ECPAS: variants seen among roughly 807,000 people sequenced by gnomAD.
ECPAS encodes Ecm29 proteasome adaptor and scaffold, also known as proteasome adapter and scaffold protein ECM29.
Under a neutral mutation model 255.1 loss-of-function variants are expected in ECPAS, and 70 were observed. The observed-to-expected ratio is 0.27, with a 90% CI of 0.23 to 0.33. ECPAS has a LOEUF of 0.33. Ranked by LOEUF, ECPAS falls within the 10% of genes least tolerant of loss-of-function variation. The probability of loss-of-function intolerance (pLI) is 1.00; values close to 1 mark genes in which losing one functional copy is unlikely to be tolerated. For missense variants in ECPAS, 1,817 were observed against 2,206.4 expected (o/e 0.82, Z 3.54); for synonymous variants, 784 against 775.0 (o/e 1.01, Z -0.19).
intron 27 of ECPAS, among the ~76,000 whole-genome samples, chr9:111,393,383 G>A (rs1293638874): frequency 6.6e-6 from 1 of 152,146 alleles, no homozygotes; most frequent in Non-Finnish European, 1.5e-5. Flanking sequence ...AAAGCTATTA[G>A]GAGAGATACT....
chr9:111,416,326 G>T lies in ECPAS; in HGVS notation c.1710C>A (p.Val570=). The change falls in exon 18 of 50, where the codon GTC becomes GTA. Residue 570 remains valine (V), a synonymous_variant. Coordinates refer to ENST00000684092, the MANE Select transcript of ECPAS (RefSeq NM_001364929.1). ...EKASHRMKTP[V]KYMTGTTVLP... is the part of the protein sequence containing the mutation. ...GGACAGTGGTCCCGGTCATGTACTTGACTGGAGTTTTCATTCGATGAGAAG... is the reference window on the plus strand; with the variant it reads ...GGACAGTGGTCCCGGTCATGTACTTTACTGGAGTTTTCATTCGATGAGAAG... 2.5e-6 allele frequency: 4 copies of T among 1,613,668 alleles called. No individual in the cohort carries two copies. The highest frequency in any genetic ancestry group is 3.4e-6 in the Non-Finnish European group (4 of 1,179,690).
At chr9:111,395,070 T>A (rs891103370) in intron 25 of ECPAS, among the ~76,000 whole-genome samples, 4 of 152,208 alleles carry the variant, frequency 2.6e-5, no homozygotes, top group African/African-American at 9.6e-5. Flanking sequence ...GTCGATCTAT[T>A]GGCAGTACAT....
chr9:111,407,777 G>A lies in ECPAS; in HGVS notation c.2652+794C>T, dbSNP rs538016712. 3.8e-4 allele frequency among the ~76,000 whole-genome samples: 58 copies of A among 152,174 alleles called. 1 individual carries two copies. The South Asian group carries it at 7.9e-3, about 21-fold the overall frequency. ...CTTACATGCAAATGTCTCTTCATCC[G>A]GTTACTTAGTCTGCCAATATTTACT... On this transcript the variant is annotated intron_variant, in intron 24 of 49. Transcript: ENST00000684092.
chr9:111,467,621 A>T (rs1421281461), intron 2 of ECPAS, among the ~76,000 whole-genome samples: 2 of 152,220 alleles, frequency 1.3e-5, no homozygotes, highest in Non-Finnish European at 2.9e-5. Context: ...GAGAAAGCTG[A>T]AAATACCTAA....
At chr9:111,482,785 G>T (rs889872620) in intron 1 of ECPAS, among the ~76,000 whole-genome samples, 2 of 152,136 alleles carry the variant, frequency 1.3e-5, no homozygotes, top group African/African-American at 4.8e-5. Flanking sequence ...CGGCGCCCCG[G>T]AACTACACTT....
rs1379184401 is a variant in ECPAS at position 111,415,059 on chromosome 9, G to A, written c.1765-408C>T. ...GGAGAGAGGGTGGGAGGAGGGAGAG[G>A]AGCAGAAAAGATAACTATGGGGTAT... On this transcript the variant is annotated intron_variant, in intron 18 of 49. Coordinates refer to ENST00000684092, the MANE Select transcript of ECPAS (RefSeq NM_001364929.1). Among the ~76,000 whole-genome samples, 4 of 152,012 alleles carry A rather than the reference G, an allele frequency of 2.6e-5. No homozygotes were observed. In the East Asian group the frequency reaches 5.8e-4, roughly 22 times the overall value.
rs184388477 is a variant in ECPAS at position 111,443,539 on chromosome 9, G to A, written c.270+839C>T. 2.0e-3 allele frequency among the ~76,000 whole-genome samples: 300 copies of A among 150,396 alleles called. 2 individuals are homozygous for A. Among genetic ancestry groups the A allele is most frequent in the Non-Finnish European group, 2.8e-3 (191 of 67,308 alleles). On this transcript the variant is annotated intron_variant, in intron 4 of 49. Transcript: ENST00000684092. Reference sequence around the variant, plus strand: ...GCTGGGATTACAGGTATGAGCCGACGTGCCTGGCCTCTGAAGAATTCTTTA... The same window carrying A: ...GCTGGGATTACAGGTATGAGCCGACATGCCTGGCCTCTGAAGAATTCTTTA...
chr9:111,451,363 A>G (rs1483981286), intron 3 of ECPAS, 62 bp downstream of exon 3: 18 of 1,480,580 alleles, frequency 1.2e-5, no homozygotes, highest in Non-Finnish European at 1.5e-5. Context: ...CAGAAAACTC[A>G]CTTGATAATG....
intron 24 of ECPAS, among the ~76,000 whole-genome samples, chr9:111,407,757 A>G (rs930869244): frequency 3.9e-5 from 6 of 152,174 alleles, no homozygotes; most frequent in South Asian, 2.1e-4. Context: ...ACTGCCTTAC[A>G]TGCAAATGTC....
chr9:111,412,288 G>C (rs1299937878), intron 20 of ECPAS, 140 bp from the exon 21 acceptor site: 4 of 747,800 alleles, frequency 5.3e-6, no homozygotes, highest in Non-Finnish European at 5.8e-6. Context: ...AAAACAAAAT[G>C]AAAGCTGAAT....
At chr9:111,368,033 TCAAAAAAAAAACAAA>T (rs2098122619) in intron 46 of ECPAS, among the ~76,000 whole-genome samples, 1 of 134,560 alleles carries the variant, frequency 7.4e-6, no homozygotes, top group Non-Finnish European at 1.5e-5. Context: ...AGACCCTGTC[TCAAAAAAAAAACAAA>T]CAAAAAAAAA....
intron 6 of ECPAS, among the ~76,000 whole-genome samples, chr9:111,439,145 T>C (rs1348584195): frequency 5.9e-5 from 9 of 152,202 alleles, no homozygotes; most frequent in Admixed American, 1.3e-4. Context: ...AGTGGCCATA[T>C]AGGCGGGTGT....
intron 2 of ECPAS, among the ~76,000 whole-genome samples, chr9:111,468,216 C>G (rs2098281835): frequency 6.6e-6 from 1 of 152,080 alleles, no homozygotes; most frequent in Non-Finnish European, 1.5e-5. Context: ...CAAGCGCACA[C>G]TGGAACACAG....
chr9:111,410,306 G>T, intron 22 of ECPAS, 93 bp from the exon 23 acceptor site: 1 of 1,053,590 alleles, frequency 9.5e-7, no homozygotes, highest in Non-Finnish European at 1.3e-6. Flanking sequence ...TTTTAAGACG[G>T]CAAAATAAAA....
intron 2 of ECPAS, among the ~76,000 whole-genome samples, chr9:111,454,843 A>G (rs1019034103): frequency 1.3e-5 from 2 of 151,948 alleles, no homozygotes; most frequent in Non-Finnish European, 2.9e-5. Flanking sequence ...AGCTTGGACT[A>G]CAGGCATACG....
Position 111,417,956 on chromosome 9 carries a change from C to G in ECPAS, c.1610G>C (p.Gly537Ala), listed in dbSNP as rs1435759116. 1 of 1,607,218 alleles carries G rather than the reference C, an allele frequency of 6.2e-7. No individual in the cohort carries two copies. Among genetic ancestry groups the G allele is most frequent in the African/African-American group, 1.3e-5 (1 of 74,900 alleles). Residue 537 changes from glycine to alanine, a missense_variant, in exon 17 of 50, where the codon GGT (glycine) becomes GCT (alanine). Gly to Ala is a moderately conservative substitution (Grantham distance 60). Around this residue, in one of 4 missense-constraint regions of ECPAS, gnomAD observed 573 missense variants for 716.2 expected, o/e 0.80. Coordinates refer to ENST00000684092, the MANE Select transcript of ECPAS (RefSeq NM_001364929.1). The part of the protein sequence containing the change: ...EAQRVLRCLP[G>A]RNRKESTSEQ... ...AGAAGTACTTTCTTTTCTGTTTCTA[C>G]CTGGAAGACACCTTAATACGCGTTG...
At chr9:111,375,487 G>A (rs945628931) in intron 37 of ECPAS, among the ~76,000 whole-genome samples, 1 of 152,032 alleles carries the variant, frequency 6.6e-6, no homozygotes, top group Admixed American at 6.6e-5. Flanking sequence ...ATCTTTCTGG[G>A]CCTACTTCCT....
Position 111,411,075 on chromosome 9 carries a change from T to C in ECPAS, c.2282A>G (p.Lys761Arg), listed in dbSNP as rs1470626228. The C allele has an allele frequency of 6.2e-7, 1 of 1,613,970 alleles. No homozygotes were observed. Among genetic ancestry groups the C allele is most frequent in the Non-Finnish European group, 8.5e-7 (1 of 1,179,858 alleles). Residue 761 changes from lysine (K) to arginine (R), a missense_variant, in exon 22 of 50, where the codon AAG becomes AGG. This residue lies in a region of ECPAS where 194 missense variants were observed against 152.8 expected (regional missense o/e 1.27). Coordinates refer to ENST00000684092, the MANE Select transcript of ECPAS (RefSeq NM_001364929.1). ...GFTVGRYLAK[K>R]KMRMSEQQDL... ...TTGTTGCTCTGACATTCTCATTTTC[T>C]TTTTAGCCAAATACCTTCCCACCGT...
chr9:111,454,449 A>C (rs181535836), intron 2 of ECPAS, among the ~76,000 whole-genome samples: 140 of 152,226 alleles, frequency 9.2e-4, no homozygotes, highest in African/African-American at 3.2e-3. Context: ...CAAATATAAC[A>C]TCCTAAACAC....
Sources: gnomAD v4.1 joint callset for allele counts (sites outside exome capture counted in the v4.1 genomes callset) on GRCh38, gnomAD v4.1.1 for gene constraint, gnomAD v4.1.1 regional missense constraint, MANE v1.5 for transcripts, NCBI Gene and HGNC (gene_info 2026-07-23, HGNC 2026-07-21) for gene names.